TRPM3: variants seen among roughly 807,000 people sequenced by gnomAD.
TRPM3 encodes the protein long transient receptor potential channel 3.
Under a neutral mutation model 181.2 loss-of-function variants are expected in TRPM3, and 77 were observed. That is an observed-to-expected ratio of 0.42 (90% CI 0.35 to 0.51). The LOEUF is 0.51. Ranked by LOEUF, TRPM3 falls within the 20% of genes least tolerant of loss-of-function variation. The pLI is 0.01. For synonymous variants in TRPM3, 745 were observed against 796.4 expected, an observed-to-expected ratio of 0.94 and a Z score of 1.09; for missense variants, 1,759 against 2,196.7, an observed-to-expected ratio of 0.80 and a Z score of 3.98.
intron 1 of TRPM3, among the ~76,000 whole-genome samples, chr9:71,197,176 C>T (rs2078437863): frequency 2.0e-5 from 3 of 152,094 alleles, no homozygotes; most frequent in African/African-American, 7.2e-5. Flanking sequence ...CAATTTCATC[C>T]ATGTCCCTAC....
rs182293251 is a variant in TRPM3, at chr9:70,788,985, C to T, written c.974-4706G>A. Among the ~76,000 whole-genome samples, 3 of 152,270 alleles carry T rather than the reference C, an allele frequency of 2.0e-5. No homozygotes were observed. In the East Asian group the frequency reaches 5.8e-4, roughly 29 times the overall value. ...GGCCTGGCTCCTAATAGGACATGGACCGGTACCAGTCTGTGGACAGGGGAT... is the reference window on the plus strand; with the variant it reads ...GGCCTGGCTCCTAATAGGACATGGATCGGTACCAGTCTGTGGACAGGGGAT... On this transcript the variant is annotated intron_variant, in intron 6 of 25. Coordinates refer to ENST00000677713, the MANE Select transcript of TRPM3 (RefSeq NM_001366145.2).
chr9:71,051,541 T>C (rs1228389311), intron 1 of TRPM3, among the ~76,000 whole-genome samples: 1 of 152,036 alleles, frequency 6.6e-6, no homozygotes, highest in African/African-American at 2.4e-5. Flanking sequence ...ACTTCACTCA[T>C]GTTAGGGGCT....
intron 1 of TRPM3, among the ~76,000 whole-genome samples, chr9:71,094,934 A>G (rs926537576): frequency 1.3e-5 from 2 of 152,148 alleles, no homozygotes; most frequent in African/African-American, 4.8e-5. Context: ...AGGGTGAGAA[A>G]AAAGACAGTC....
intron 1 of TRPM3, among the ~76,000 whole-genome samples, chr9:70,931,643 A>C (rs2096776088): frequency 6.6e-6 from 1 of 152,184 alleles, no homozygotes; most frequent in Non-Finnish European, 1.5e-5. Context: ...AATCAGAGAA[A>C]GAAAGAAAAA....
intron 1 of TRPM3, among the ~76,000 whole-genome samples, chr9:71,238,476 C>A (rs1009027849): frequency 5.3e-5 from 8 of 152,172 alleles, no homozygotes; most frequent in African/African-American, 1.9e-4. Context: ...CAGCCCTCTT[C>A]CTTATCTCTC....
intron 22 of TRPM3, among the ~76,000 whole-genome samples, chr9:70,587,417 G>A (rs748903738): frequency 1.4e-4 from 22 of 152,258 alleles, no homozygotes; most frequent in Middle Eastern, 3.4e-3. Flanking sequence ...AATGAAAGTC[G>A]CATTCATTCA....
At chr9:71,042,513 T>C (rs1220480229) in intron 1 of TRPM3, among the ~76,000 whole-genome samples, 1 of 152,194 alleles carries the variant, frequency 6.6e-6, no homozygotes, top group African/African-American at 2.4e-5. Context: ...AAATGTCCCA[T>C]AAGTGGCAGG....
chr9:70,650,622 C>A (rs2133778213), intron 9 of TRPM3, among the ~76,000 whole-genome samples: 1 of 151,850 alleles, frequency 6.6e-6, no homozygotes, highest in African/African-American at 2.4e-5. Flanking sequence ...CTTTGGAGAC[C>A]AGTTATGCTT....
chr9:70,542,325 A>AGGCACTGC (rs2043630161), intron 25 of TRPM3, among the ~76,000 whole-genome samples: 2 of 152,224 alleles, frequency 1.3e-5, no homozygotes, highest in Non-Finnish European at 2.9e-5. Flanking sequence ...GACTAAGAAA[A>AGGCACTGC]AAAGAGGCAC....
At chr9:71,051,778 G>A (rs771769738) in intron 1 of TRPM3, among the ~76,000 whole-genome samples, 5 of 151,950 alleles carry the variant, frequency 3.3e-5, no homozygotes, top group Non-Finnish European at 7.4e-5. Context: ...TTAATTTTAC[G>A]CCAATTAGTG....
In TRPM3 at chr9:70,602,453, T is replaced by C. The variant is rs73649182; in HGVS notation, c.2796+889A>G. 1.8e-3 allele frequency among the ~76,000 whole-genome samples: 270 copies of C among 152,226 alleles called. 1 individual carries two copies. The highest frequency in any genetic ancestry group is 6.2e-3 in the African/African-American group (257 of 41,520). On this transcript the variant is annotated intron_variant, in intron 20 of 25. Transcript: ENST00000677713. Reference sequence around the variant, plus strand: ...ACCCACTGCAGTACAGCAATTAGGGTTGTTCTTGAGCTCTTAAAGACCCAG... The same window carrying C: ...ACCCACTGCAGTACAGCAATTAGGGCTGTTCTTGAGCTCTTAAAGACCCAG...
chr9:71,418,759 C>CTA (rs2093676582), intron 1 of TRPM3, among the ~76,000 whole-genome samples: 1 of 145,884 alleles, frequency 6.9e-6, no homozygotes, highest in Non-Finnish European at 1.5e-5. Flanking sequence ...CTTTGAGATA[C>CTA]TATATATATA....
chr9:71,399,613 C>A (rs1396458058), intron 1 of TRPM3, among the ~76,000 whole-genome samples: 2 of 147,676 alleles, frequency 1.4e-5, no homozygotes, highest in Non-Finnish European at 3.0e-5. Flanking sequence ...ACTGCAAGCT[C>A]CACCTCCTGG....
upstream of TRPM3, among the ~76,000 whole-genome samples, chr9:71,124,480 T>C (rs1242912523): frequency 1.3e-5 from 2 of 152,106 alleles, no homozygotes; most frequent in African/African-American, 2.4e-5. Context: ...TCCTAAAAAA[T>C]AGCAAGCAGG....
At chr9:71,420,499 C>T (rs1317571683) in intron 1 of TRPM3, among the ~76,000 whole-genome samples, 6 of 144,260 alleles carry the variant, frequency 4.2e-5, no homozygotes, top group South Asian at 2.2e-4. Context: ...GAAGCTTTCT[C>T]GCAGCAACAA....
chr9:70,588,529 G>A (rs981289782), intron 22 of TRPM3, among the ~76,000 whole-genome samples: 12 of 152,044 alleles, frequency 7.9e-5, no homozygotes, highest in African/African-American at 1.2e-4. Flanking sequence ...ACTCTGCGAA[G>A]GTGTGTTTGA....
chr9:71,075,744 C>A (rs1393773048), intron 1 of TRPM3, among the ~76,000 whole-genome samples: 3 of 152,136 alleles, frequency 2.0e-5, no homozygotes, highest in African/African-American at 7.2e-5. Flanking sequence ...AAAATGTTTT[C>A]TTATTCCAAT....
At chr9:70,647,612 T>C (rs1455044045) in intron 9 of TRPM3, among the ~76,000 whole-genome samples, 1 of 152,176 alleles carries the variant, frequency 6.6e-6, no homozygotes, top group Non-Finnish European at 1.5e-5. Context: ...GCTGGAAGCA[T>C]TCCCCTTGAG....
At chr9:70,773,492 G>A (rs1161370327) in intron 7 of TRPM3, among the ~76,000 whole-genome samples, 2 of 152,124 alleles carry the variant, frequency 1.3e-5, no homozygotes, top group Non-Finnish European at 2.9e-5. Context: ...TGTGGGAAAA[G>A]GGGAGGGATA....
Sources: gnomAD v4.1 joint callset for allele counts (sites outside exome capture counted in the v4.1 genomes callset) on GRCh38, gnomAD v4.1.1 for gene constraint, MANE v1.5 for transcripts, NCBI Gene and HGNC (gene_info 2026-07-23, HGNC 2026-07-21) for gene names.